The following EPB41L4A variants were observed in gnomAD, a reference collection of about 807,000 sequenced individuals.
EPB41L4A encodes the protein band 4.1-like protein 4A.
A neutral mutation model predicts 108.6 loss-of-function variants in EPB41L4A; 100 were observed. That is an observed-to-expected ratio of 0.92 (90% CI 0.78 to 1.09). EPB41L4A has a LOEUF of 1.09. EPB41L4A is among the 50% of genes least tolerant of loss of function. The pLI is 0.00. For missense variants in EPB41L4A, 1,030 were observed against 842.7 expected, an observed-to-expected ratio of 1.22 and a Z score of -2.75; for synonymous variants, 319 against 289.0, an observed-to-expected ratio of 1.10 and a Z score of -1.05.
At chr5:112,302,560 A>G (rs1009611254) in intron 2 of EPB41L4A, among the ~76,000 whole-genome samples, 1 of 152,166 alleles carries the variant, frequency 6.6e-6, no homozygotes, top group Admixed American at 6.5e-5. Context: ...CTACCACCCT[A>G]TGAAGCTGGT....
At chr5:112,316,059 T>C (rs138944603) in intron 1 of EPB41L4A, among the ~76,000 whole-genome samples, 9 of 152,342 alleles carry the variant, frequency 5.9e-5, no homozygotes, top group East Asian at 3.9e-4. Flanking sequence ...CCAGAAAGAA[T>C]AGAGCTACAA....
chr5:112,341,401 T>C (rs1257248678), intron 1 of EPB41L4A, among the ~76,000 whole-genome samples: 2 of 152,208 alleles, frequency 1.3e-5, no homozygotes. Context: ...GTATGTATTG[T>C]ATTCGGTACC....
intron 1 of EPB41L4A, among the ~76,000 whole-genome samples, chr5:112,390,133 C>G (rs570500901): frequency 4.6e-5 from 7 of 152,322 alleles, no homozygotes; most frequent in African/African-American, 1.7e-4. Context: ...GTGATCGACA[C>G]AGAAGACGGG....
chr5:112,405,120 C>T (rs1374952838), intron 1 of EPB41L4A, among the ~76,000 whole-genome samples: 1 of 152,222 alleles, frequency 6.6e-6, no homozygotes, highest in Non-Finnish European at 1.5e-5. Flanking sequence ...AAGACTGTGG[C>T]TTCCATCTTG....
At chr5:112,408,450 AC>A (rs1466741123) in intron 1 of EPB41L4A, among the ~76,000 whole-genome samples, 10 of 152,144 alleles carry the variant, frequency 6.6e-5, no homozygotes, top group African/African-American at 2.4e-4. Context: ...TGCAAATTAA[AC>A]ATCTGATAAG....
At chr5:112,370,785 C>T (rs1759446245) in intron 1 of EPB41L4A, among the ~76,000 whole-genome samples, 2 of 152,120 alleles carry the variant, frequency 1.3e-5, no homozygotes, top group South Asian at 4.1e-4. Flanking sequence ...CATGGTGGCA[C>T]ATGCCTGTAG....
intron 9 of EPB41L4A, among the ~76,000 whole-genome samples, chr5:112,245,841 T>G (rs1750171959): frequency 1.3e-5 from 2 of 151,650 alleles, no homozygotes; most frequent in South Asian, 4.2e-4. Flanking sequence ...GAAGGTGGAG[T>G]GAGAGAGGTC....
At chr5:112,358,064 GACCTGGCCTTTGCCAAC>G (rs1758478489) in intron 1 of EPB41L4A, among the ~76,000 whole-genome samples, 1 of 152,224 alleles carries the variant, frequency 6.6e-6, no homozygotes, top group African/African-American at 2.4e-5. Context: ...CATGAACGCT[GACCTGGCCTTTGCCAAC>G]AATGAGTGCC....
intron 15 of EPB41L4A, among the ~76,000 whole-genome samples, chr5:112,201,369 C>T (rs1364705292): frequency 6.6e-6 from 1 of 152,184 alleles, no homozygotes; most frequent in Non-Finnish European, 1.5e-5. Context: ...CTGTGTTTCA[C>T]AGGAAGCCAG....
At chr5:112,265,424 T>C (rs1000788751) in intron 5 of EPB41L4A, among the ~76,000 whole-genome samples, 1 of 152,154 alleles carries the variant, frequency 6.6e-6, no homozygotes, top group Non-Finnish European at 1.5e-5. Flanking sequence ...CAATACACCT[T>C]TGCCTGAAAT....
At chr5:112,313,391 A>G in intron 1 of EPB41L4A, among the ~76,000 whole-genome samples, 1 of 152,128 alleles carries the variant, frequency 6.6e-6, no homozygotes, top group Non-Finnish European at 1.5e-5. Flanking sequence ...GGAGATTGAG[A>G]CCATCCTGGC....
rs557971543 is a variant in EPB41L4A, at chr5:112,256,314, A to T, written c.795+2915T>A. Among the ~76,000 whole-genome samples the T allele has an allele frequency of 2.6e-5, 4 of 152,338 alleles. No homozygotes were observed. In the South Asian group the frequency reaches 6.2e-4, roughly 24 times the overall value. ...CATTAAAACAGAAAGCCAATCAAGG[A>T]TGCCTTATACTGCTATAACACTTAG... On this transcript the variant is annotated intron_variant, in intron 9 of 22. Coordinates refer to ENST00000261486, the MANE Select transcript of EPB41L4A (RefSeq NM_022140.5).
intron 1 of EPB41L4A, among the ~76,000 whole-genome samples, chr5:112,311,102 G>A (rs1347112702): frequency 6.6e-6 from 1 of 152,026 alleles, no homozygotes; most frequent in Non-Finnish European, 1.5e-5. Context: ...ACCTCCAAGT[G>A]ATCCTCCCGC....
chr5:112,181,228 G>C (rs538965004), intron 18 of EPB41L4A, among the ~76,000 whole-genome samples: 8 of 151,602 alleles, frequency 5.3e-5, no homozygotes, highest in African/African-American at 1.9e-4. Flanking sequence ...GAGGCGGGCG[G>C]ATCACGAGGT....
intron 12 of EPB41L4A, among the ~76,000 whole-genome samples, chr5:112,157,593 T>G (rs555367470): frequency 6.6e-6 from 1 of 152,302 alleles, no homozygotes; most frequent in African/African-American, 2.4e-5. Context: ...TGTGGCCCCT[T>G]CCTACATCTT....
At chr5:112,146,889 C>G (rs749351385) in intron 12 of EPB41L4A, among the ~76,000 whole-genome samples, 2 of 152,174 alleles carry the variant, frequency 1.3e-5, no homozygotes, top group Admixed American at 6.5e-5. Context: ...CTTAACAGGT[C>G]TTTTCTATTA....
intron 2 of EPB41L4A, among the ~76,000 whole-genome samples, chr5:112,303,893 G>A (rs887443515): frequency 6.6e-6 from 1 of 152,098 alleles, no homozygotes; most frequent in Non-Finnish European, 1.5e-5. Context: ...GAGGGGAACG[G>A]GAGGTTCTAA....
chr5:112,395,579 TA>T, intron 1 of EPB41L4A, among the ~76,000 whole-genome samples: 1 of 152,134 alleles, frequency 6.6e-6, no homozygotes, highest in Non-Finnish European at 1.5e-5. Flanking sequence ...TGGCGATCAT[TA>T]AAAAGTCAGG....
intron 2 of EPB41L4A, among the ~76,000 whole-genome samples, chr5:112,294,745 G>A (rs988948140): frequency 9.2e-5 from 14 of 151,818 alleles, no homozygotes; most frequent in Middle Eastern, 3.2e-3. Flanking sequence ...GAGCTACGGC[G>A]TACCTGAAGT....
Sources: allele counts gnomAD v4.1 joint callset (sites outside exome capture counted in the v4.1 genomes callset), GRCh38; gene constraint gnomAD v4.1.1; transcripts MANE v1.5; gene names NCBI Gene and HGNC (gene_info 2026-07-23, HGNC 2026-07-21).